The following TAPBPL variants were observed in gnomAD, a reference collection of about 807,000 sequenced individuals.
TAPBPL encodes TAP binding protein like.
In TAPBPL, 32 loss-of-function variants were observed where a neutral mutation model predicts 44.8. The ratio of observed to expected loss-of-function variants is 0.71; its 90% CI spans 0.54 to 0.96. TAPBPL has a LOEUF of 0.96. Among genes scored for constraint, TAPBPL ranks in the 40% least tolerant of loss-of-function variants. TAPBPL has a pLI of 0.00. For missense variants in TAPBPL, 520 were observed against 586.6 expected (o/e 0.89, Z 1.17); for synonymous variants, 230 against 240.7 (o/e 0.96, Z 0.41).
intron 3 of TAPBPL, among the ~76,000 whole-genome samples, chr12:6,456,816 C>G (rs1242203519): frequency 2.0e-5 from 3 of 152,050 alleles, no homozygotes; most frequent in Admixed American, 2.0e-4. Context: ...CCATGCCCGG[C>G]TAATTTTTGT....
Position 6,458,805 on chromosome 12 carries a change from C to T in TAPBPL, c.1065C>T (p.Leu355=). 6.2e-7 allele frequency: 1 copy of T among 1,614,176 alleles called. No homozygotes were observed. The highest frequency in any genetic ancestry group is 8.5e-7 in the Non-Finnish European group (1 of 1,180,044). Residue 355 remains leucine (L), a synonymous_variant, in exon 5 of 7, where the codon CTC becomes CTT. Transcript: ENST00000266556. ...TCTCTGGTGCCTCCTTCTCCAGCCT[C>T]AGGCAAAGCGTGGCAGGCACCTACA... is the stretch of plus-strand genomic sequence containing the variant. ...AQVSGASFSS[L]RQSVAGTYSI...
chr12:6,470,164 G>C (rs1462216803), downstream of TAPBPL, among the ~76,000 whole-genome samples: 2 of 152,310 alleles, frequency 1.3e-5, no homozygotes, highest in African/African-American at 2.4e-5. Flanking sequence ...GATTTAGCCA[G>C]ATGACAGAAA....
At chr12:6,469,214 C>T (rs1218710129), downstream of TAPBPL, among the ~76,000 whole-genome samples, 1 of 152,208 alleles carries the variant, frequency 6.6e-6, no homozygotes, top group Admixed American at 6.5e-5. Context: ...TGTCCTGCCA[C>T]TGAGCTAGCT....
At chr12:6,471,818 C>A in the TAPBPL span, among the ~76,000 whole-genome samples, 1 of 114,792 alleles carries the variant, frequency 8.7e-6, no homozygotes, top group East Asian at 2.9e-4. This position sits in a 1 kb window ranked among gnomAD's most constrained non-coding sequence, Gnocchi z 4.0. Context: ...CAGAGCAAGA[C>A]CCTGTTTCAA....
In TAPBPL at chr12:6,452,196, G is replaced by GT; in HGVS notation, c.-52dup. On this transcript the variant is annotated 5_prime_UTR_variant, in exon 1 of 7. Transcript: ENST00000266556. ...TCTTCCGCCGGGCCTCGCAAGCAGC[G>GT]TAGGACTGTGGAGAAGGGCGGTGGG... The GT allele has an allele frequency of 6.4e-7, 1 of 1,551,594 alleles. No homozygotes were observed. The highest frequency in any genetic ancestry group is 8.7e-7 in the Non-Finnish European group (1 of 1,145,978).
In TAPBPL at chr12:6,457,607, A is replaced by C. The variant is rs774914021; in HGVS notation, c.767A>C (p.Glu256Ala). Residue 256 changes from glutamate (E) to alanine (A), a missense_variant, in exon 4 of 7, where the codon GAG becomes GCG. Transcript: ENST00000266556. Reference protein sequence around the residue: ...GQAVRKGATLEPAQLGMARDA... With the variant: ...GQAVRKGATLAPAQLGMARDA... ...GCTGTGCGGAAGGGCGCTACCCTGG[A>C]GCCTGCACAACTGGGCATGGCCAGG... is the stretch of plus-strand genomic sequence containing the variant. The C allele has an allele frequency of 3.7e-6, 6 of 1,614,128 alleles. No homozygotes were observed. The Admixed American group carries it at 1.0e-4, about 27-fold the overall frequency.
downstream of TAPBPL, chr12:6,470,641 C>T (rs938545914): frequency 2.3e-5 from 34 of 1,456,276 alleles, no homozygotes; most frequent in African/African-American, 4.2e-5. Context: ...CCGCCTCGCG[C>T]CGACTACCCC....
In TAPBPL at chr12:6,453,736, G is replaced by C; in HGVS notation, c.565+20G>C. On this transcript the variant is annotated intron_variant, in intron 3 of 6. Transcript: ENST00000266556. This position sits in a 1 kb window ranked among gnomAD's most constrained non-coding sequence, Gnocchi z 4.8. ...CTGCAGGTAAGAAAATGAAAAGCAA[G>C]GCCAGGTGTGGTGGCTCACGCCTGT... 2.6e-6 allele frequency: 4 copies of C among 1,565,558 alleles called. No homozygotes were observed. The highest frequency in any genetic ancestry group is 3.5e-6 in the Non-Finnish European group (4 of 1,157,154).
downstream of TAPBPL, chr12:6,464,104 T>A (rs1201592961): frequency 3.8e-6 from 5 of 1,322,744 alleles, no homozygotes; most frequent in Non-Finnish European, 4.9e-6. Context: ...TGGGCACCGA[T>A]ACTCTTCTCC....
downstream of TAPBPL, chr12:6,464,521 A>C: frequency 6.8e-7 from 1 of 1,479,840 alleles, no homozygotes; most frequent in Non-Finnish European, 9.0e-7. Flanking sequence ...CAGACGGAAA[A>C]GAGAAAGAGA....
chr12:6,465,735 G>T, downstream of TAPBPL: 2 of 1,432,654 alleles, frequency 1.4e-6, no homozygotes, highest in East Asian at 2.4e-5. Context: ...ATGCTGGTCA[G>T]AGAGATCCTG....
downstream of TAPBPL, among the ~76,000 whole-genome samples, chr12:6,470,097 A>G (rs967279499): frequency 6.6e-6 from 1 of 152,182 alleles, no homozygotes; most frequent in Non-Finnish European, 1.5e-5. Context: ...GTAGGGCAAC[A>G]TAAGTTACCA....
At chr12:6,470,817 A>G (rs1565530246), downstream of TAPBPL, 3 of 546,590 alleles carry the variant, frequency 5.5e-6, no homozygotes, top group Non-Finnish European at 6.6e-6. Flanking sequence ...GCCAATTGCC[A>G]GTCACAACTC....
downstream of TAPBPL, chr12:6,463,242 C>T: frequency 1.4e-6 from 2 of 1,387,420 alleles, no homozygotes; most frequent in Non-Finnish European, 1.9e-6. The surrounding 1 kb of genome is among the most constrained non-coding windows in gnomAD (Gnocchi z 4.0). Context: ...ACAGGAAGAA[C>T]AGAGAGGCGG....
intron 1 of TAPBPL, 136 bp downstream of exon 1, chr12:6,452,448 C>T (rs989244028): frequency 2.8e-5 from 41 of 1,452,836 alleles, no homozygotes; most frequent in Middle Eastern, 2.5e-4. Context: ...AGGGGAAAGG[C>T]TCAGCGGCTG....
Position 6,452,291 on chromosome 12 carries a change from C to T in TAPBPL, c.43C>T (p.Leu15=), listed in dbSNP as rs545828811. Residue 15 remains leucine, a synonymous_variant, in exon 1 of 7, where the codon CTA becomes TTA. Transcript: ENST00000266556. ...EGWCLLLCLA[L]SGAAETKPHP... is the part of the protein sequence containing the mutation. ...CTGGTGCCTGCTGCTCTGCCTGGCT[C>T]TATCTGGAGCAGCAGAAACCAGTGA... 32 of 1,575,310 alleles carry T rather than the reference C, an allele frequency of 2.0e-5. No homozygotes were observed. The highest frequency in any genetic ancestry group is 2.2e-5 in the Non-Finnish European group (25 of 1,161,150).
At position 6,452,281 on chromosome 12, in the gene TAPBPL, C is replaced by A; in HGVS notation, c.33C>A (p.Leu11=). 1 of 1,575,128 alleles carries A rather than the reference C, an allele frequency of 6.3e-7. No homozygotes were observed. The highest frequency in any genetic ancestry group is 1.2e-5 in the South Asian group (1 of 85,636). MGTQEGWCLL[L]CLALSGAAET... is the part of the protein sequence containing the mutation. Reference sequence around the variant, plus strand: ...CACAGGAGGGCTGGTGCCTGCTGCTCTGCCTGGCTCTATCTGGAGCAGCAG... The same window carrying A: ...CACAGGAGGGCTGGTGCCTGCTGCTATGCCTGGCTCTATCTGGAGCAGCAG... Residue 11 remains leucine (L), a synonymous_variant, in exon 1 of 7, where the codon CTC becomes CTA. Coordinates refer to ENST00000266556, the MANE Select transcript of TAPBPL (RefSeq NM_018009.5).
intron 5 of TAPBPL, among the ~76,000 whole-genome samples, chr12:6,459,760 ATTTATTTT>A (rs139852945): frequency 0.084 from 9,323 of 110,466 alleles, 548 homozygotes; most frequent in African/African-American, 0.25. Flanking sequence ...TTATTTATTT[ATTTATTTT>A]ATTTTATTTT....
chr12:6,452,881 A>G (rs540290238), intron 1 of TAPBPL, among the ~76,000 whole-genome samples, 186 bp from the exon 2 acceptor site: 2 of 152,356 alleles, frequency 1.3e-5, no homozygotes, highest in South Asian at 4.1e-4. Context: ...ATTTGCCTGG[A>G]CTAGCAGGTG....
Sources: allele counts gnomAD v4.1 joint callset (sites outside exome capture counted in the v4.1 genomes callset), GRCh38; gene constraint gnomAD v4.1.1; non-coding constraint Gnocchi (gnomAD v3.1); transcripts MANE v1.5; gene names NCBI Gene and HGNC (gene_info 2026-07-23, HGNC 2026-07-21).